Variants in CTNNA3 observed in about 807,000 individuals in gnomAD.
CTNNA3 encodes catenin alpha-3.
In CTNNA3, 76 loss-of-function variants were observed where a neutral mutation model predicts 95.7. The observed-to-expected ratio is 0.79, with a 90% CI of 0.66 to 0.96. CTNNA3 has a LOEUF of 0.96. Ranked by LOEUF, CTNNA3 falls within the 40% of genes least tolerant of loss-of-function variation. CTNNA3 has a pLI of 0.00. For synonymous variants in CTNNA3, 431 were observed against 374.4 expected (o/e 1.15, Z -1.74); for missense variants, 1,191 against 1,089.8 (o/e 1.09, Z -1.31).
intron 11 of CTNNA3, among the ~76,000 whole-genome samples, chr10:66,477,829 T>C (rs918629743): frequency 1.3e-5 from 2 of 152,058 alleles, no homozygotes; most frequent in Non-Finnish European, 2.9e-5. Context: ...ACAGCTGATA[T>C]AGTGCAACTC....
chr10:67,718,715 T>C (rs1205133385), intron 1 of CTNNA3, among the ~76,000 whole-genome samples: 1 of 152,176 alleles, frequency 6.6e-6, no homozygotes, highest in Non-Finnish European at 1.5e-5. Context: ...TTGCATTTTA[T>C]TGAGGGTTTT....
intron 7 of CTNNA3, among the ~76,000 whole-genome samples, chr10:67,096,731 C>T (rs1858016186): frequency 6.6e-6 from 1 of 151,788 alleles, no homozygotes; most frequent in African/African-American, 2.4e-5. Flanking sequence ...CTTGCTTTTT[C>T]CCTCACTTTT....
intron 13 of CTNNA3, among the ~76,000 whole-genome samples, chr10:66,224,771 T>C (rs2089177342): frequency 6.6e-6 from 1 of 152,174 alleles, no homozygotes; most frequent in Non-Finnish European, 1.5e-5. Flanking sequence ...AGATAACTTA[T>C]ATAGCAATTA....
At chr10:67,206,812 GAGAACA>G (rs1863921123) in intron 6 of CTNNA3, among the ~76,000 whole-genome samples, 1 of 151,776 alleles carries the variant, frequency 6.6e-6, no homozygotes, top group Non-Finnish European at 1.5e-5. Context: ...AATTAAAGGG[GAGAACA>G]ATCAAGCCAA....
intron 5 of CTNNA3, among the ~76,000 whole-genome samples, chr10:67,349,581 G>A (rs1842557175): frequency 6.6e-6 from 1 of 152,108 alleles, no homozygotes. Flanking sequence ...TAATCAAGGG[G>A]AGTAAAGTTT....
chr10:67,712,585 C>T (rs1589578344), intron 1 of CTNNA3, among the ~76,000 whole-genome samples: 1 of 152,228 alleles, frequency 6.6e-6, no homozygotes, highest in Admixed American at 6.5e-5. Flanking sequence ...TCAGAGGGTG[C>T]AAGCCCCAAG....
At chr10:66,289,274 C>T (rs1488054046) in intron 12 of CTNNA3, among the ~76,000 whole-genome samples, 1 of 122,192 alleles carries the variant, frequency 8.2e-6, no homozygotes, top group Non-Finnish European at 1.8e-5. Flanking sequence ...TTCCTATATG[C>T]AAGGGGTACA....
intron 5 of CTNNA3, among the ~76,000 whole-genome samples, chr10:67,236,812 A>G (rs1041181881): frequency 1.3e-5 from 2 of 151,954 alleles, no homozygotes; most frequent in African/African-American, 4.8e-5. Flanking sequence ...GCCATAATCA[A>G]AAAATAAATA....
Position 67,391,971 on chromosome 10 carries a change from T to A in CTNNA3, c.579+129871A>T, listed in dbSNP as rs1215941668. Among the ~76,000 whole-genome samples, 19 of 151,390 alleles carry A rather than the reference T, an allele frequency of 1.3e-4. No individual in the cohort carries two copies. In the South Asian group the frequency reaches 3.8e-3, roughly 30 times the overall value. On this transcript the variant is annotated intron_variant, in intron 5 of 17. Transcript: ENST00000433211. The stretch of plus-strand genomic sequence containing the variant: ...AAAACCCTAGAAGAAAACCTAGGCA[T>A]TACCATTCAGGACATAGGCATGGGC...
At chr10:66,706,141 C>T (rs1043185459) in intron 9 of CTNNA3, among the ~76,000 whole-genome samples, 1 of 151,978 alleles carries the variant, frequency 6.6e-6, no homozygotes, top group Non-Finnish European at 1.5e-5. Flanking sequence ...ACAAGAACAT[C>T]CCCAGGTTTA....
chr10:67,284,638 AT>A (rs1839523619), intron 5 of CTNNA3, among the ~76,000 whole-genome samples: 1 of 152,132 alleles, frequency 6.6e-6, no homozygotes, highest in South Asian at 2.1e-4. Flanking sequence ...ATGTATCATC[AT>A]TTTTTTATCT....
chr10:66,202,582 C>G (rs1367024813), intron 13 of CTNNA3, among the ~76,000 whole-genome samples: 1 of 152,130 alleles, frequency 6.6e-6, no homozygotes. Context: ...TAGTTTTGCT[C>G]CGGTTTTTCT....
chr10:67,145,297 G>A, intron 7 of CTNNA3, among the ~76,000 whole-genome samples: 1 of 152,118 alleles, frequency 6.6e-6, no homozygotes, highest in East Asian at 1.9e-4. Flanking sequence ...AGTACATGCT[G>A]TCAGAAAAAT....
chr10:66,185,956 CACATAT>C (rs1320833365), intron 13 of CTNNA3, among the ~76,000 whole-genome samples: 1 of 151,626 alleles, frequency 6.6e-6, no homozygotes, highest in Non-Finnish European at 1.5e-5. Flanking sequence ...TATACACATA[CACATAT>C]ATATACACGG....
intron 5 of CTNNA3, among the ~76,000 whole-genome samples, chr10:67,326,413 T>TA (rs1841539283): frequency 6.6e-6 from 1 of 151,352 alleles, no homozygotes; most frequent in African/African-American, 2.4e-5. Flanking sequence ...TCTTGTAAAG[T>TA]AGTTGATGGT....
intron 13 of CTNNA3, among the ~76,000 whole-genome samples, chr10:66,175,763 T>C (rs2085673656): frequency 2.0e-5 from 3 of 152,144 alleles, no homozygotes; most frequent in Admixed American, 1.3e-4. Flanking sequence ...TCAGGATTCA[T>C]TAACCATATT....
intron 15 of CTNNA3, among the ~76,000 whole-genome samples, chr10:66,055,441 G>A (rs1005387037): frequency 2.4e-4 from 36 of 151,990 alleles, no homozygotes; most frequent in African/African-American, 8.0e-4. Context: ...CACTTCTTTG[G>A]TTAATTCCTG....
At chr10:67,558,034 C>T (rs1158550859) in intron 3 of CTNNA3, among the ~76,000 whole-genome samples, 2 of 152,184 alleles carry the variant, frequency 1.3e-5, no homozygotes, top group East Asian at 3.8e-4. Flanking sequence ...GAACCTAAGC[C>T]ATATTCCCAA....
At chr10:66,396,687 C>T (rs2092980613) in intron 11 of CTNNA3, among the ~76,000 whole-genome samples, 1 of 151,782 alleles carries the variant, frequency 6.6e-6, no homozygotes, top group Non-Finnish European at 1.5e-5. Flanking sequence ...TAATAGTTCC[C>T]AAATTATCAC....
Sources: allele counts gnomAD v4.1 joint callset (sites outside exome capture counted in the v4.1 genomes callset), GRCh38; gene constraint gnomAD v4.1.1; transcripts MANE v1.5; gene names NCBI Gene and HGNC (gene_info 2026-07-23, HGNC 2026-07-21).